TENM3: variants seen among roughly 807,000 people sequenced by gnomAD.
The protein encoded by TENM3 is teneurin-3.
TENM3 carries 63 observed loss-of-function variants against 255.1 expected under a neutral mutation model. The ratio of observed to expected loss-of-function variants is 0.25; its 90% CI spans 0.20 to 0.30. TENM3 has a LOEUF of 0.30. Ranked by LOEUF, TENM3 falls within the 10% of genes least tolerant of loss-of-function variation. The pLI, the probability that TENM3 is intolerant of heterozygous loss-of-function variation, is 1.00. For missense variants in TENM3, 2,929 were observed against 3,461.1 expected (o/e 0.85, Z 3.86); for synonymous variants, 1,306 against 1,322.3 (o/e 0.99, Z 0.27).
At chr4:181,968,986 C>CTATA in the TENM3 span, among the ~76,000 whole-genome samples, 41 of 123,952 alleles carry the variant, frequency 3.3e-4, no homozygotes, top group African/African-American at 1.1e-3. Context: ...CTCTCTCTCT[C>CTATA]TCTCTCTATA....
chr4:181,673,845 GGTGTGTGTGTGTGTGTGTGTGT>G, the TENM3 span, among the ~76,000 whole-genome samples: 877 of 137,428 alleles, frequency 6.4e-3, 9 homozygotes, highest in African/African-American at 0.023. Flanking sequence ...AGAAGTGTGT[GGTGTGTGTGTGTGTGTGTGTGT>G]GTGTGTGTGT....
At chr4:182,203,972 T>G (rs998275962) in intron 1 of TENM3, among the ~76,000 whole-genome samples, 1 of 152,192 alleles carries the variant, frequency 6.6e-6, no homozygotes, top group Non-Finnish European at 1.5e-5. Flanking sequence ...TAACATGGAT[T>G]CGAGAAGGGA....
At chr4:182,325,605 C>T (rs1383414303) in intron 2 of TENM3, among the ~76,000 whole-genome samples, 1 of 152,038 alleles carries the variant, frequency 6.6e-6, no homozygotes, top group Non-Finnish European at 1.5e-5. Context: ...GTCTGCACAG[C>T]TGAAATAGAT....
chr4:182,571,558 G>A (rs915629254), intron 3 of TENM3, among the ~76,000 whole-genome samples: 5 of 152,006 alleles, frequency 3.3e-5, no homozygotes, highest in Non-Finnish European at 7.4e-5. Context: ...CAACACACAC[G>A]CACAAATTAT....
the TENM3 span, among the ~76,000 whole-genome samples, chr4:181,959,080 A>C: frequency 6.6e-6 from 1 of 152,170 alleles, no homozygotes; most frequent in Non-Finnish European, 1.5e-5. Flanking sequence ...GATTATTATT[A>C]ATTTTAGTTT....
At chr4:181,786,812 A>G in the TENM3 span, among the ~76,000 whole-genome samples, 1 of 152,046 alleles carries the variant, frequency 6.6e-6, no homozygotes, top group East Asian at 1.9e-4. Context: ...CTTGATCCTG[A>G]AGAAGGTTCT....
chr4:181,830,171 T>A, the TENM3 span, among the ~76,000 whole-genome samples: 1 of 152,210 alleles, frequency 6.6e-6, no homozygotes, highest in Non-Finnish European at 1.5e-5. Context: ...TGTGAGCTTT[T>A]CAAGAGTGCT....
rs774695048 is a variant in TENM3 at position 182,731,126 on chromosome 4, T to G, written c.2954T>G (p.Ile985Ser). ...TCTTCTCCTGAAGACAGTCCCATCA[T>G]TCCCGAAACACAGGTAAAATATTCT... ...FRSSPEDSPI[I>S]PETQVLHEET... The change falls in exon 16 of 28, where the codon ATT becomes AGT. Residue 985 changes from isoleucine to serine, a missense_variant. Ile to Ser is a moderately radical substitution (Grantham distance 142). Coordinates refer to ENST00000511685, the MANE Select transcript of TENM3 (RefSeq NM_001080477.4). The G allele has an allele frequency of 6.2e-7, 1 of 1,613,576 alleles. No homozygotes were observed.
At chr4:182,355,489 G>C (rs1765458254) in intron 3 of TENM3, among the ~76,000 whole-genome samples, 1 of 152,146 alleles carries the variant, frequency 6.6e-6, no homozygotes, top group South Asian at 2.1e-4. Context: ...CCTCCCTGGG[G>C]ACATGGCCCT....
At chr4:182,778,822 C>A (rs2152805910) in intron 24 of TENM3, among the ~76,000 whole-genome samples, 1 of 152,126 alleles carries the variant, frequency 6.6e-6, no homozygotes. Context: ...CATTCATACA[C>A]AACAAATGGA....
chr4:182,240,288 C>G (rs902507649), upstream of TENM3, among the ~76,000 whole-genome samples: 1 of 152,158 alleles, frequency 6.6e-6, no homozygotes, highest in African/African-American at 2.4e-5. Context: ...TGGACGTCCA[C>G]TGAGATCAAC....
the TENM3 span, among the ~76,000 whole-genome samples, chr4:182,124,037 G>GTTTA: frequency 2.6e-4 from 39 of 152,130 alleles, no homozygotes; most frequent in African/African-American, 5.5e-4. Flanking sequence ...CCATTTATTT[G>GTTTA]TTTATTTATT....
chr4:182,579,566 C>T (rs762410270), intron 3 of TENM3, among the ~76,000 whole-genome samples: 47 of 152,166 alleles, frequency 3.1e-4, no homozygotes, highest in Non-Finnish European at 6.2e-4. Flanking sequence ...GAGGATGATA[C>T]ATTTAGTTTG....
the TENM3 span, among the ~76,000 whole-genome samples, chr4:181,645,123 T>G: frequency 6.6e-6 from 1 of 152,228 alleles, no homozygotes; most frequent in Non-Finnish European, 1.5e-5. Context: ...AAATGGAAGA[T>G]TCCTGGATGA....
the TENM3 span, among the ~76,000 whole-genome samples, chr4:181,501,493 C>G: frequency 2.8e-4 from 42 of 151,972 alleles, no homozygotes; most frequent in African/African-American, 8.5e-4. Flanking sequence ...ATTCTCCTGC[C>G]TCAGCCTCCC....
the TENM3 span, among the ~76,000 whole-genome samples, chr4:181,966,035 A>G: frequency 2.0e-5 from 3 of 152,206 alleles, no homozygotes; most frequent in Non-Finnish European, 4.4e-5. Context: ...TTTATAAGCT[A>G]TCAGCTTTTA....
chr4:181,498,704 A>G, the TENM3 span, among the ~76,000 whole-genome samples: 1 of 152,162 alleles, frequency 6.6e-6, no homozygotes, highest in Admixed American at 6.5e-5. Context: ...CAGTAGTATC[A>G]TTAGGGCTGG....
chr4:182,640,778 C>T (rs1018993039), intron 5 of TENM3, among the ~76,000 whole-genome samples: 1 of 152,190 alleles, frequency 6.6e-6, no homozygotes, highest in Non-Finnish European at 1.5e-5. Context: ...TCCACAAATG[C>T]TCCATAAATA....
intron 2 of TENM3, among the ~76,000 whole-genome samples, chr4:182,341,600 G>A (rs537762994): frequency 5.3e-5 from 8 of 152,098 alleles, no homozygotes; most frequent in Non-Finnish European, 8.8e-5. Flanking sequence ...TCTCTTTCTG[G>A]CCAACATTTG....
Sources: allele counts gnomAD v4.1 joint callset (sites outside exome capture counted in the v4.1 genomes callset), GRCh38; gene constraint gnomAD v4.1.1; transcripts MANE v1.5; gene names NCBI Gene and HGNC (gene_info 2026-07-23, HGNC 2026-07-21).